PRKD1: variants seen among roughly 807,000 people sequenced by gnomAD.
The protein encoded by PRKD1 is serine/threonine-protein kinase D1.
A neutral mutation model predicts 95.9 loss-of-function variants in PRKD1; 63 were observed. That is an observed-to-expected ratio of 0.66 (90% CI 0.54 to 0.81). PRKD1 has a LOEUF of 0.81. PRKD1 is among the 30% of genes least tolerant of loss of function. The pLI is 0.00. For synonymous variants in PRKD1, 425 were observed against 423.1 expected, an observed-to-expected ratio of 1.00 and a Z score of -0.05; for missense variants, 1,048 against 1,165.3, an observed-to-expected ratio of 0.90 and a Z score of 1.47.
intron 1 of PRKD1, among the ~76,000 whole-genome samples, chr14:29,892,607 G>A (rs45528435): frequency 6.6e-6 from 1 of 152,268 alleles, no homozygotes; most frequent in African/African-American, 2.4e-5. Context: ...CTAACTTGTG[G>A]AGAAGGTAGA....
At chr14:29,775,343 C>T (rs564221652) in intron 1 of PRKD1, among the ~76,000 whole-genome samples, 2 of 152,142 alleles carry the variant, frequency 1.3e-5, no homozygotes, top group South Asian at 2.1e-4. Flanking sequence ...CGAAGCAGGG[C>T]GAGGCATCGC....
chr14:29,681,417 G>A (rs1338630418), intron 2 of PRKD1, among the ~76,000 whole-genome samples: 2 of 146,074 alleles, frequency 1.4e-5, no homozygotes, highest in East Asian at 3.9e-4. Context: ...TAGATTACTG[G>A]AAAATTTATT....
Position 29,634,535 on chromosome 14 carries a change from TGATG to T in PRKD1, c.1193_1196del (p.Pro398GlnfsTer9). ...TCATGAGTGGGATATTGTTGCTTGT[TGATG>T]GACTTGAGAAGTCAAAATATTGTAG... On this transcript the variant is annotated frameshift_variant and splice_region_variant, in exon 8 of 18. Transcript: ENST00000331968. LOFTEE classifies it high-confidence loss of function. 1 of 1,614,016 alleles carries T rather than the reference TGATG, an allele frequency of 6.2e-7. No individual in the cohort carries two copies. Among genetic ancestry groups the T allele is most frequent in the East Asian group, 2.2e-5 (1 of 44,868 alleles).
chr14:29,857,461 C>A (rs939339133), intron 1 of PRKD1, among the ~76,000 whole-genome samples: 1 of 152,224 alleles, frequency 6.6e-6, no homozygotes, highest in African/African-American at 2.4e-5. Context: ...GAATTGTTGG[C>A]CTTCCTGACA....
chr14:29,788,372 G>T (rs996235707), intron 1 of PRKD1, among the ~76,000 whole-genome samples: 2 of 152,080 alleles, frequency 1.3e-5, no homozygotes, highest in Non-Finnish European at 2.9e-5. Context: ...ACTTTTGACC[G>T]ATTAACTATA....
At chr14:29,814,358 C>CT (rs972228579) in intron 1 of PRKD1, among the ~76,000 whole-genome samples, 5 of 152,204 alleles carry the variant, frequency 3.3e-5, no homozygotes, top group African/African-American at 1.2e-4. Flanking sequence ...AGCCTGGAGT[C>CT]TAACAAAAAG....
At chr14:29,816,790 T>C (rs376800965) in intron 1 of PRKD1, among the ~76,000 whole-genome samples, 3 of 152,338 alleles carry the variant, frequency 2.0e-5, no homozygotes, top group Admixed American at 6.5e-5. Flanking sequence ...GTGTAAATAA[T>C]CTATTTTATG....
intron 1 of PRKD1, among the ~76,000 whole-genome samples, chr14:29,817,783 T>C (rs2139261403): frequency 6.6e-6 from 1 of 152,166 alleles, no homozygotes; most frequent in East Asian, 1.9e-4. Context: ...CCCTAATTCT[T>C]CTTATAAATT....
At chr14:29,618,726 G>T (rs1019633061) in intron 13 of PRKD1, among the ~76,000 whole-genome samples, 21 of 151,172 alleles carry the variant, frequency 1.4e-4, no homozygotes, top group Admixed American at 1.2e-3. Context: ...GTGTTTTGAT[G>T]ATTAAATCAG....
chr14:29,760,934 C>T (rs569617634), intron 1 of PRKD1, among the ~76,000 whole-genome samples: 1 of 151,942 alleles, frequency 6.6e-6, no homozygotes, highest in Non-Finnish European at 1.5e-5. Context: ...ACGTTTTAGC[C>T]AAAATCTTTA....
At chr14:29,599,609 T>C (rs560636616) in intron 14 of PRKD1, 47 bp downstream of exon 14, 2 of 1,538,346 alleles carry the variant, frequency 1.3e-6, no homozygotes, top group Admixed American at 1.7e-5. Context: ...AGTGATAACA[T>C]TTGATATTAA....
chr14:29,682,317 G>A (rs1883584063), intron 2 of PRKD1, among the ~76,000 whole-genome samples: 1 of 152,146 alleles, frequency 6.6e-6, no homozygotes. Context: ...TAGGAGAGAA[G>A]ATACAAATGA....
intron 4 of PRKD1, 30 bp downstream of exon 4, chr14:29,663,669 A>G (rs1341358052): frequency 6.2e-7 from 1 of 1,605,778 alleles, no homozygotes; most frequent in East Asian, 2.2e-5. Flanking sequence ...TCTCATGTAA[A>G]TGGGGAAGTG....
chr14:29,814,002 C>T lies in PRKD1; in HGVS notation c.265-88328G>A, dbSNP rs1002990533. On this transcript the variant is annotated intron_variant, in intron 1 of 17. Transcript: ENST00000331968. ...TGAATTTCAAAGATGAATGAATATT[C>T]ATTTACTTTGGGTAATTACATACTA... 2.0e-5 allele frequency among the ~76,000 whole-genome samples: 3 copies of T among 152,128 alleles called. No individual in the cohort carries two copies. In the South Asian group the frequency reaches 6.2e-4, roughly 32 times the overall value.
intron 13 of PRKD1, 62 bp from the exon 14 acceptor site, chr14:29,599,879 G>T: frequency 1.4e-6 from 2 of 1,467,468 alleles, no homozygotes; most frequent in South Asian, 1.3e-5. Flanking sequence ...TGGCAAGCTC[G>T]CTGATTATAC....
At chr14:29,628,383 ATT>A (rs746409373) in intron 11 of PRKD1, among the ~76,000 whole-genome samples, 9 of 152,200 alleles carry the variant, frequency 5.9e-5, no homozygotes, top group Non-Finnish European at 1.2e-4. Flanking sequence ...AAAAGGCCTT[ATT>A]ACTTTTTGGC....
At chr14:29,642,958 G>A (rs1361302200) in intron 4 of PRKD1, among the ~76,000 whole-genome samples, 1 of 150,648 alleles carries the variant, frequency 6.6e-6, no homozygotes, top group Non-Finnish European at 1.5e-5. Flanking sequence ...GAAATGCTTT[G>A]GAAAGTCTGT....
At chr14:29,730,677 T>C (rs1482349544) in intron 1 of PRKD1, among the ~76,000 whole-genome samples, 1 of 152,074 alleles carries the variant, frequency 6.6e-6, no homozygotes, top group African/African-American at 2.4e-5. Flanking sequence ...TGATACAGAA[T>C]GGAATACCAC....
intron 4 of PRKD1, among the ~76,000 whole-genome samples, chr14:29,653,549 T>A (rs1881644305): frequency 6.6e-6 from 1 of 152,182 alleles, no homozygotes; most frequent in African/African-American, 2.4e-5. Flanking sequence ...TTCTGCTTCA[T>A]TTTCCACCTT....
Sources: gnomAD v4.1 joint callset for allele counts (sites outside exome capture counted in the v4.1 genomes callset) on GRCh38, gnomAD v4.1.1 for gene constraint, MANE v1.5 for transcripts, NCBI Gene and HGNC (gene_info 2026-07-23, HGNC 2026-07-21) for gene names.